The following SORL1 variants were observed in gnomAD, a reference collection of about 807,000 sequenced individuals.
The protein encoded by SORL1 is sortilin-related receptor.
In SORL1, 127 loss-of-function variants were observed where a neutral mutation model predicts 273.7. The observed-to-expected ratio is 0.46, with a 90% CI of 0.40 to 0.54. The LOEUF (loss-of-function observed/expected upper bound fraction) is 0.54, where lower values mean the gene tolerates loss of function less well. Ranked by LOEUF, SORL1 falls within the 20% of genes least tolerant of loss-of-function variation. SORL1 has a pLI of 0.00. For missense variants in SORL1, 2,494 were observed against 2,846.1 expected (o/e 0.88, Z 2.81); for synonymous variants, 1,031 against 1,067.4 (o/e 0.97, Z 0.66).
Position 121,514,295 on chromosome 11 carries a change from A to G in SORL1, c.1185A>G (p.Gly395=). ...SLENVLYYSP[G]GAGSDTLVRY... ...AGAACGTGCTCTATTACAGCCCAGG[A>G]GGGGCCGGCAGTGACACCTTGGTGA... Residue 395 remains glycine, a synonymous_variant, in exon 8 of 48, where the codon GGA becomes GGG. Coordinates refer to ENST00000260197, the MANE Select transcript of SORL1 (RefSeq NM_003105.6). The G allele has an allele frequency of 6.2e-7, 1 of 1,614,020 alleles. No homozygotes were observed. The highest frequency in any genetic ancestry group is 8.5e-7 in the Non-Finnish European group (1 of 1,179,990).
intron 11 of SORL1, among the ~76,000 whole-genome samples, chr11:121,523,411 A>G (rs1004686064): frequency 1.1e-4 from 16 of 152,088 alleles, no homozygotes; most frequent in African/African-American, 3.6e-4. Flanking sequence ...ATTGAAGTTG[A>G]GATGAAGCCT....
intron 31 of SORL1, among the ~76,000 whole-genome samples, chr11:121,592,084 A>G (rs117776261): frequency 3.9e-5 from 6 of 152,180 alleles, no homozygotes; most frequent in Non-Finnish European, 7.4e-5. Flanking sequence ...GCCTCCCTGG[A>G]TTCCTTACAT....
At chr11:121,606,704 C>T (rs114644715) in intron 35 of SORL1, 141 bp from the exon 36 acceptor site, 116 of 640,442 alleles carry the variant, frequency 1.8e-4, no homozygotes, top group African/African-American at 1.7e-3. Flanking sequence ...TTCAATGTGA[C>T]GACCAAGCTA....
chr11:121,516,155 GA>G (rs1861947125), intron 8 of SORL1, among the ~76,000 whole-genome samples: 1 of 152,192 alleles, frequency 6.6e-6, no homozygotes, highest in Admixed American at 6.5e-5. Flanking sequence ...TGCTGTGTGG[GA>G]ATTTGACTAC....
chr11:121,569,827 C>T (rs1404079018), intron 22 of SORL1, among the ~76,000 whole-genome samples: 2 of 152,202 alleles, frequency 1.3e-5, no homozygotes, highest in Non-Finnish European at 2.9e-5. Context: ...CGTACACTCC[C>T]TCCCCTTTTG....
intron 5 of SORL1, among the ~76,000 whole-genome samples, chr11:121,492,657 T>C (rs1196584123): frequency 6.6e-6 from 1 of 152,208 alleles, no homozygotes; most frequent in African/African-American, 2.4e-5. Flanking sequence ...AGATTTGATA[T>C]AGAAAGTGTC....
intron 43 of SORL1, 49 bp downstream of exon 43, chr11:121,619,966 A>C: frequency 9.6e-7 from 1 of 1,044,978 alleles, no homozygotes. Context: ...TGGCCTGGTT[A>C]GGGTGGGGTG....
chr11:121,580,470 A>G (rs1443127515), intron 25 of SORL1, among the ~76,000 whole-genome samples: 34 of 151,980 alleles, frequency 2.2e-4, no homozygotes, highest in Admixed American at 2.2e-3. Context: ...TTTTGTATCT[A>G]GAATTTCTGT....
Position 121,570,282 on chromosome 11 carries a change from G to C in SORL1, c.3337+12G>C. ...TGAGAGAAACTGCCGTGAGTCTTCT[G>C]GATTGGACGTTAAGCACTTACCATT... On this transcript the variant is annotated intron_variant, in intron 23 of 47. Transcript: ENST00000260197. The C allele has an allele frequency of 3.1e-6, 5 of 1,593,328 alleles. No individual in the cohort carries two copies. Among genetic ancestry groups the C allele is most frequent in the Middle Eastern group, 3.3e-4 (2 of 6,032 alleles).
chr11:121,533,523 G>A (rs1862229992), intron 12 of SORL1, among the ~76,000 whole-genome samples: 1 of 152,112 alleles, frequency 6.6e-6, no homozygotes, highest in African/African-American at 2.4e-5. Context: ...TTTCTGAATG[G>A]TTCATGTTAG....
chr11:121,617,607 A>T (rs184051664), intron 41 of SORL1, among the ~76,000 whole-genome samples: 1 of 152,274 alleles, frequency 6.6e-6, no homozygotes, highest in East Asian at 1.9e-4. Context: ...TGCTCATCCC[A>T]TGGATCCTGC....
At chr11:121,518,474 GGAAA>G (rs1861986455) in intron 8 of SORL1, among the ~76,000 whole-genome samples, 1 of 152,068 alleles carries the variant, frequency 6.6e-6, no homozygotes, top group African/African-American at 2.4e-5. Context: ...ATCCGACTCG[GGAAA>G]GAAACAGGGC....
At chr11:121,475,776 GC>G (rs1410126555) in intron 2 of SORL1, among the ~76,000 whole-genome samples, 7 of 152,236 alleles carry the variant, frequency 4.6e-5, no homozygotes, top group Non-Finnish European at 1.0e-4. Flanking sequence ...CCCGGAGCTA[GC>G]CATTCACTTC....
Position 121,488,136 on chromosome 11 carries a change from A to G in SORL1, c.633A>G (p.Leu211=), listed in dbSNP as rs1861502771. The change falls in exon 4 of 48, where the codon CTA becomes CTG. Residue 211 remains leucine, a synonymous_variant. Transcript: ENST00000260197. ...CATTTCGGGCAGCTGATCTCCTCCT[A>G]CACAGTAAGGCCTCCAACCTTCTCT... The part of the protein sequence containing the change: ...SIPFRAADLL[L]HSKASNLLLG... 9 of 1,614,088 alleles carry G rather than the reference A, an allele frequency of 5.6e-6. No homozygotes were observed. Among genetic ancestry groups the G allele is most frequent in the Non-Finnish European group, 7.6e-6 (9 of 1,180,018 alleles).
intron 1 of SORL1, among the ~76,000 whole-genome samples, chr11:121,453,290 A>G (rs945805494): frequency 6.6e-6 from 1 of 152,184 alleles, no homozygotes; most frequent in African/African-American, 2.4e-5. Context: ...AAAGGACTGC[A>G]GGAAATTTGG....
intron 8 of SORL1, among the ~76,000 whole-genome samples, chr11:121,518,793 T>G (rs4935775): frequency 0.32 from 49,296 of 151,958 alleles, 9,330 homozygotes; most frequent in Middle Eastern, 0.48. Context: ...TCAGAGGTTG[T>G]TGTTTGGGTC....
chr11:121,491,340 C>T (rs35791263), intron 5 of SORL1, among the ~76,000 whole-genome samples: 12 of 152,182 alleles, frequency 7.9e-5, no homozygotes, highest in Middle Eastern at 3.4e-3. Flanking sequence ...ATATACTTAT[C>T]GTAATTTACT....
chr11:121,545,402 G>C lies in SORL1; in HGVS notation c.2024G>C (p.Cys675Ser). 1 of 1,614,022 alleles carries C rather than the reference G, an allele frequency of 6.2e-7. No homozygotes were observed. The highest frequency in any genetic ancestry group is 8.5e-7 in the Non-Finnish European group (1 of 1,180,002). ...GACAGGCCGGTGGTCGTGTCCAACT[G>C]CTCCTGCACCCGGGAGGACTATGAG... Reference protein sequence around the residue: ...DFDRPVVVSNCSCTREDYECD... With the variant: ...DFDRPVVVSNSSCTREDYECD... The change falls in exon 14 of 48, where the codon TGC becomes TCC. Residue 675 changes from cysteine (C) to serine (S), a missense_variant. Cys to Ser is a moderately radical substitution (Grantham distance 112). Transcript: ENST00000260197.
rs977592737 is a variant in SORL1 at position 121,627,327 on chromosome 11, T to C, written c.6365-228T>C. 3 of 568,072 alleles carry C rather than the reference T, an allele frequency of 5.3e-6. No individual in the cohort carries two copies. The highest frequency in any genetic ancestry group is 6.3e-6 in the Non-Finnish European group (2 of 318,136). 35.2% of individuals were successfully genotyped at this position (568,072 alleles called of 1,614,324 possible). The stretch of plus-strand genomic sequence containing the variant: ...AACAAGGCAGTGATTAGGAGTCTAA[T>C]GTAATTACCATATTTGCATGCACAA... On this transcript the variant is annotated intron_variant, in intron 46 of 47. Coordinates refer to ENST00000260197, the MANE Select transcript of SORL1 (RefSeq NM_003105.6). The surrounding 1 kb of genome is among the most constrained non-coding windows in gnomAD (Gnocchi z 4.9).
Sources: allele counts gnomAD v4.1 joint callset (sites outside exome capture counted in the v4.1 genomes callset), GRCh38; gene constraint gnomAD v4.1.1; non-coding constraint Gnocchi (gnomAD v3.1); transcripts MANE v1.5; gene names NCBI Gene and HGNC (gene_info 2026-07-23, HGNC 2026-07-21).